The following SYNDIG1 variants were observed in gnomAD, a reference collection of about 807,000 sequenced individuals.
SYNDIG1 encodes the protein synapse differentiation-inducing gene protein 1.
Under a neutral mutation model 19.4 loss-of-function variants are expected in SYNDIG1, and 9 were observed. That is an observed-to-expected ratio of 0.46 (90% confidence interval 0.28 to 0.81). The LOEUF is 0.81. Ranked by LOEUF, SYNDIG1 falls within the 30% of genes least tolerant of loss-of-function variation. The pLI is 0.12. For missense variants in SYNDIG1, 311 were observed against 343.3 expected (o/e 0.91, Z 0.74); for synonymous variants, 141 against 145.9 (o/e 0.97, Z 0.24).
intron 1 of SYNDIG1, among the ~76,000 whole-genome samples, chr20:24,518,094 T>C (rs2146521195): frequency 6.6e-6 from 1 of 152,042 alleles, no homozygotes; most frequent in East Asian, 1.9e-4. Flanking sequence ...ACTTTGAGGC[T>C]CACTTTCATT....
intron 1 of SYNDIG1, among the ~76,000 whole-genome samples, chr20:24,522,993 C>A (rs2057036838): frequency 6.6e-6 from 1 of 152,224 alleles, no homozygotes; most frequent in South Asian, 2.1e-4. Context: ...TCCTGTTAGG[C>A]CTGCCTTCAA....
chr20:24,517,761 A>G (rs368363725), intron 1 of SYNDIG1, among the ~76,000 whole-genome samples: 21 of 131,742 alleles, frequency 1.6e-4, no homozygotes, highest in East Asian at 4.0e-4. Flanking sequence ...GTGTGTGTGT[A>G]TATATATATA....
In SYNDIG1 at chr20:24,665,816, C is replaced by A. The variant is rs113407196; in HGVS notation, c.*312C>A. The A allele has an allele frequency of 1.0e-5, 4 of 393,018 alleles. No individual in the cohort carries two copies. The highest frequency in any genetic ancestry group is 1.8e-5 in the Non-Finnish European group (4 of 221,808). 24.3% of individuals were successfully genotyped at this position (393,018 alleles called of 1,614,324 possible). ...GCGGCTCTCTGCAGCCTGCCAGTGCCCAGAGTGCCACCGCATTAGCAATAT... is the reference window on the plus strand; with the variant it reads ...GCGGCTCTCTGCAGCCTGCCAGTGCACAGAGTGCCACCGCATTAGCAATAT... On this transcript the variant is annotated 3_prime_UTR_variant, in exon 4 of 4. Transcript: ENST00000376862.
intron 2 of SYNDIG1, among the ~76,000 whole-genome samples, chr20:24,545,254 C>A (rs1163362947): frequency 3.9e-5 from 6 of 152,074 alleles, no homozygotes; most frequent in Admixed American, 3.3e-4. Flanking sequence ...TGGAAGAGGA[C>A]CAAGACGTGA....
intron 3 of SYNDIG1, among the ~76,000 whole-genome samples, chr20:24,632,930 G>C (rs557770923): frequency 1.6e-4 from 24 of 151,168 alleles, no homozygotes; most frequent in African/African-American, 5.1e-4. Flanking sequence ...GGAGGGTACT[G>C]CCATAGATTA....
At chr20:24,607,961 C>A (rs2058783761) in intron 3 of SYNDIG1, among the ~76,000 whole-genome samples, 1 of 152,162 alleles carries the variant, frequency 6.6e-6, no homozygotes, top group Admixed American at 6.5e-5. Context: ...CTATTTTAAA[C>A]ACTTTTCCCG....
intron 3 of SYNDIG1, among the ~76,000 whole-genome samples, chr20:24,660,035 T>C (rs1052998286): frequency 1.3e-5 from 2 of 152,198 alleles, no homozygotes; most frequent in Admixed American, 1.3e-4. Flanking sequence ...GTGCTGTAGA[T>C]AATAGGATGC....
chr20:24,541,492 C>T (rs2057467905), intron 1 of SYNDIG1, among the ~76,000 whole-genome samples: 1 of 152,184 alleles, frequency 6.6e-6, no homozygotes, highest in African/African-American at 2.4e-5. Context: ...TTCATCCTGT[C>T]TCCTCCTCCA....
intron 1 of SYNDIG1, among the ~76,000 whole-genome samples, chr20:24,477,593 T>A (rs1354487297): frequency 6.6e-6 from 1 of 152,224 alleles, no homozygotes; most frequent in Non-Finnish European, 1.5e-5. Flanking sequence ...GTAACCCATC[T>A]GTGATTGCCC....
chr20:24,483,955 T>G (rs73901840), intron 1 of SYNDIG1, among the ~76,000 whole-genome samples: 7,414 of 151,958 alleles, frequency 0.049, 556 homozygotes, highest in African/African-American at 0.17. Flanking sequence ...GGAGTAGAAA[T>G]AAGGGGTCTT....
At chr20:24,534,617 G>T (rs2057326388) in intron 1 of SYNDIG1, among the ~76,000 whole-genome samples, 2 of 152,208 alleles carry the variant, frequency 1.3e-5, no homozygotes, top group Admixed American at 6.5e-5. Context: ...CTTCCTTCAA[G>T]GCAGCTTTGT....
Position 24,580,175 on chromosome 20 carries a change from C to T in SYNDIG1, c.481-4681C>T, listed in dbSNP as rs117044884. On this transcript the variant is annotated intron_variant, in intron 2 of 3. Coordinates refer to ENST00000376862, the MANE Select transcript of SYNDIG1 (RefSeq NM_024893.3). ...GACTCATGAAGAGGATTCTTTAAGA[C>T]AGCTGCAGTGCGTGATGAGTCTTTC... Among the ~76,000 whole-genome samples the T allele has an allele frequency of 1.1e-3, 163 of 152,302 alleles. 2 individuals carry two copies. The East Asian group carries it at 0.027, about 25-fold the overall frequency.
intron 1 of SYNDIG1, chr20:24,491,721 G>C (rs1043253866): frequency 6.6e-6 from 1 of 152,246 alleles, no homozygotes; most frequent in Non-Finnish European, 1.5e-5. Flanking sequence ...ACACTAGCTT[G>C]ACAGCACTTT....
Position 24,555,602 on chromosome 20 carries a change from T to C in SYNDIG1, c.480+12025T>C, listed in dbSNP as rs927595581. Among the ~76,000 whole-genome samples the C allele has an allele frequency of 2.2e-4, 34 of 152,330 alleles. 1 individual carries two copies. Among genetic ancestry groups the C allele is most frequent in the African/African-American group, 7.9e-4 (33 of 41,572 alleles). ...AGGAGCAGGTTGTTCAGTTTCCATG[T>C]AGTTGAGCTGTTTTGAGTGAGTTTC... On this transcript the variant is annotated intron_variant, in intron 2 of 3. Coordinates refer to ENST00000376862, the MANE Select transcript of SYNDIG1 (RefSeq NM_024893.3).
chr20:24,503,926 A>C (rs1040678058), intron 1 of SYNDIG1, among the ~76,000 whole-genome samples: 1 of 151,590 alleles, frequency 6.6e-6, no homozygotes, highest in African/African-American at 2.4e-5. Context: ...GCTGCTTACA[A>C]AGCAGATCCG....
At chr20:24,647,073 G>A (rs556661628) in intron 3 of SYNDIG1, among the ~76,000 whole-genome samples, 23 of 152,202 alleles carry the variant, frequency 1.5e-4, no homozygotes, top group Non-Finnish European at 2.6e-4. Context: ...TTTTTCTCTC[G>A]AGTTCAATAC....
intron 3 of SYNDIG1, among the ~76,000 whole-genome samples, chr20:24,663,542 C>G (rs532349184): frequency 6.6e-6 from 1 of 152,170 alleles, no homozygotes; most frequent in Admixed American, 6.5e-5. Context: ...CCTGTCCCCC[C>G]AGAGCCCAGC....
intron 3 of SYNDIG1, among the ~76,000 whole-genome samples, chr20:24,662,104 C>A (rs532153346): frequency 6.6e-5 from 10 of 151,940 alleles, no homozygotes; most frequent in Non-Finnish European, 1.0e-4. Flanking sequence ...ACCATTCAAC[C>A]TAAGGAGGTG....
At chr20:24,474,615 A>G (rs1321380241) in intron 1 of SYNDIG1, among the ~76,000 whole-genome samples, 1 of 152,238 alleles carries the variant, frequency 6.6e-6, no homozygotes, top group African/African-American at 2.4e-5. Flanking sequence ...TTAGTTGTTA[A>G]CTGAATTTTT....
Sources: gnomAD v4.1 joint callset for allele counts (sites outside exome capture counted in the v4.1 genomes callset) on GRCh38, gnomAD v4.1.1 for gene constraint, MANE v1.5 for transcripts, NCBI Gene and HGNC (gene_info 2026-07-23, HGNC 2026-07-21) for gene names.